Variants in TNFRSF10B observed in about 807,000 individuals in gnomAD.
The protein encoded by TNFRSF10B is tumor necrosis factor receptor superfamily member 10B.
Under a neutral mutation model 41.4 loss-of-function variants are expected in TNFRSF10B, and 35 were observed. That is an observed-to-expected ratio of 0.85 (90% CI 0.65 to 1.12). TNFRSF10B has a LOEUF of 1.12. Ranked by LOEUF, TNFRSF10B falls within the 50% of genes most tolerant of loss-of-function variation. The probability of loss-of-function intolerance (pLI) is 0.00; values close to 1 mark genes in which losing one functional copy is unlikely to be tolerated. For synonymous variants in TNFRSF10B, 230 were observed against 215.5 expected, an observed-to-expected ratio of 1.07 and a Z score of -0.59; for missense variants, 584 against 552.7, an observed-to-expected ratio of 1.06 and a Z score of -0.57.
intron 2 of TNFRSF10B, among the ~76,000 whole-genome samples, chr8:23,039,584 AAAC>A (rs566079185): frequency 1.3e-5 from 2 of 152,170 alleles, no homozygotes. Flanking sequence ...ACCAACAACA[AAAC>A]AACAACAACA....
chr8:23,066,359 A>C (rs1461223266), intron 1 of TNFRSF10B, among the ~76,000 whole-genome samples: 3 of 152,224 alleles, frequency 2.0e-5, no homozygotes, highest in African/African-American at 7.2e-5. Context: ...TCTAAAGTTC[A>C]AAAAATATAT....
intron 1 of TNFRSF10B, among the ~76,000 whole-genome samples, chr8:23,050,415 G>A (rs1812492680): frequency 6.6e-6 from 1 of 152,282 alleles, no homozygotes; most frequent in East Asian, 1.9e-4. Flanking sequence ...ATGATTGGGA[G>A]TCAGCTTAAT....
At chr8:23,043,382 C>A (rs1812264395) in intron 1 of TNFRSF10B, 139 bp from the exon 2 acceptor site, 4 of 672,736 alleles carry the variant, frequency 5.9e-6, no homozygotes, top group Non-Finnish European at 1.1e-5. Flanking sequence ...TCTCAAACAT[C>A]CTTTAGTGTT....
rs1585233451 is a variant in TNFRSF10B, at chr8:23,069,024, T to A, written c.-130A>T. ...CTCCGGCCGCGTGCTGATTTATGTG[T>A]CCAGGCTGACTTGGGGCGGCGCGGC... On this transcript the variant is annotated 5_prime_UTR_variant, in exon 1 of 9. Transcript: ENST00000276431. 1.4e-6 allele frequency: 2 copies of A among 1,468,436 alleles called. No homozygotes were observed. The highest frequency in any genetic ancestry group is 1.4e-5 in the African/African-American group (1 of 71,960). 91.0% of individuals were successfully genotyped at this position (1,468,436 alleles called of 1,614,324 possible). A position where few individuals can be genotyped will look rare whatever the true frequency, so the allele number is the denominator to read the frequency against.
chr8:23,063,907 C>G (rs1457118527), intron 1 of TNFRSF10B, among the ~76,000 whole-genome samples: 1 of 152,246 alleles, frequency 6.6e-6, no homozygotes, highest in Non-Finnish European at 1.5e-5. Flanking sequence ...GCCTGCCACA[C>G]TCCCCACCTC....
rs369987883 is a variant in TNFRSF10B, at chr8:23,027,115, G to C, written c.936+18C>G. 2 of 1,613,666 alleles carry C rather than the reference G, an allele frequency of 1.2e-6. No individual in the cohort carries two copies. The highest frequency in any genetic ancestry group is 1.7e-6 in the Non-Finnish European group (2 of 1,180,008). ...TGAGCAGCATGCCAGGAAACAAAAT[G>C]ATCTGTCCCCCACTCACCAGCAGAT... On this transcript the variant is annotated intron_variant, in intron 7 of 8. Transcript: ENST00000276431.
chr8:23,025,080 G>A (rs1335893381), intron 7 of TNFRSF10B, among the ~76,000 whole-genome samples: 1 of 152,208 alleles, frequency 6.6e-6, no homozygotes. Context: ...GGCCTTAGAA[G>A]GTCAAGGCTG....
chr8:23,038,243 C>T (rs553396164), intron 2 of TNFRSF10B, among the ~76,000 whole-genome samples: 9 of 152,302 alleles, frequency 5.9e-5, no homozygotes, highest in East Asian at 5.8e-4. Context: ...AAAACTACCA[C>T]GACCCTATTA....
intron 2 of TNFRSF10B, among the ~76,000 whole-genome samples, chr8:23,038,634 C>T (rs1000114235): frequency 1.3e-5 from 2 of 152,152 alleles, no homozygotes; most frequent in Non-Finnish European, 2.9e-5. Context: ...AAGGAGTAAA[C>T]ACCACTCAAG....
At chr8:23,053,449 A>T (rs1812578295) in intron 1 of TNFRSF10B, among the ~76,000 whole-genome samples, 1 of 152,106 alleles carries the variant, frequency 6.6e-6, no homozygotes, top group Non-Finnish European at 1.5e-5. Flanking sequence ...TTTTTACTAG[A>T]TTAAAAGGTT....
intron 1 of TNFRSF10B, chr8:23,068,123 A>AC (rs1274889624): frequency 2.0e-5 from 3 of 153,008 alleles, no homozygotes; most frequent in African/African-American, 7.2e-5. Context: ...TTCCCAAGGA[A>AC]CCCCAAACAA....
At chr8:23,047,212 C>A (rs1240196609) in intron 1 of TNFRSF10B, among the ~76,000 whole-genome samples, 1 of 152,042 alleles carries the variant, frequency 6.6e-6, no homozygotes, top group Non-Finnish European at 1.5e-5. Context: ...ACAAAATTAG[C>A]TGGGCATGGT....
intron 7 of TNFRSF10B, among the ~76,000 whole-genome samples, chr8:23,025,273 C>G (rs1163525201): frequency 6.6e-6 from 1 of 152,128 alleles, no homozygotes; most frequent in African/African-American, 2.4e-5. Flanking sequence ...GAAATAAACT[C>G]CCAAATCTCG....
At chr8:23,029,030 G>A (rs554975410) in intron 4 of TNFRSF10B, among the ~76,000 whole-genome samples, 2 of 152,158 alleles carry the variant, frequency 1.3e-5, no homozygotes, top group Non-Finnish European at 2.9e-5. Context: ...CAAATACTAG[G>A]GGGGCCAGAG....
intron 6 of TNFRSF10B, 128 bp from the exon 7 acceptor site, chr8:23,027,416 C>A: frequency 8.2e-7 from 1 of 1,213,500 alleles, no homozygotes. Context: ...CCGCAGGCAG[C>A]CCAGACTCAG....
At position 23,022,082 on chromosome 8, in the gene TNFRSF10B, G is replaced by A. The variant is rs1254503268; in HGVS notation, c.*589C>T. 4.6e-6 allele frequency: 2 copies of A among 432,296 alleles called. No individual in the cohort carries two copies. The highest frequency in any genetic ancestry group is 5.2e-5 in the Admixed American group (2 of 38,474). 26.8% of individuals were successfully genotyped at this position (432,296 alleles called of 1,614,324 possible). A position where few individuals can be genotyped will look rare whatever the true frequency, so the allele number is the denominator to read the frequency against. On this transcript the variant is annotated 3_prime_UTR_variant, in exon 9 of 9. Transcript: ENST00000276431. ...GAGACCACCCTGAGCAACATAGAGA[G>A]CCCCTATATCTAGACAAAATACAAA...
At chr8:23,063,511 T>G (rs1812893305) in intron 1 of TNFRSF10B, among the ~76,000 whole-genome samples, 1 of 152,016 alleles carries the variant, frequency 6.6e-6, no homozygotes, top group South Asian at 2.1e-4. Context: ...GCCCATTTAC[T>G]CTTTCTTATT....
chr8:23,063,641 T>C (rs914492510), intron 1 of TNFRSF10B, among the ~76,000 whole-genome samples: 9 of 152,184 alleles, frequency 5.9e-5, no homozygotes, highest in East Asian at 1.9e-4. Context: ...CCCTCAGATC[T>C]GCCTCAGCTG....
chr8:23,064,706 C>T (rs1812933138), intron 1 of TNFRSF10B, among the ~76,000 whole-genome samples: 1 of 152,202 alleles, frequency 6.6e-6, no homozygotes, highest in African/African-American at 2.4e-5. Flanking sequence ...ATAAAACCTG[C>T]TAATATTTCT....
Sources: allele counts gnomAD v4.1 joint callset (sites outside exome capture counted in the v4.1 genomes callset), GRCh38; gene constraint gnomAD v4.1.1; transcripts MANE v1.5; gene names NCBI Gene and HGNC (gene_info 2026-07-23, HGNC 2026-07-21).